CNTN5: variants seen among roughly 807,000 people sequenced by gnomAD.
CNTN5 encodes contactin 5, also known as contactin-5.
A neutral mutation model predicts 129.1 loss-of-function variants in CNTN5; 77 were observed. That is an observed-to-expected ratio of 0.60 (90% CI 0.50 to 0.72). CNTN5 has a LOEUF of 0.72. Ranked by LOEUF, CNTN5 falls within the 30% of genes least tolerant of loss-of-function variation. CNTN5 has a pLI of 0.00. For synonymous variants in CNTN5, 509 were observed against 465.6 expected (o/e 1.09, Z -1.20); for missense variants, 1,478 against 1,328.8 (o/e 1.11, Z -1.75).
intron 1 of CNTN5, among the ~76,000 whole-genome samples, chr11:99,164,163 T>C (rs1201739260): frequency 6.6e-6 from 1 of 151,772 alleles, no homozygotes; most frequent in Non-Finnish European, 1.5e-5. Flanking sequence ...CTGTCTCTAC[T>C]AAAAATACAA....
intron 23 of CNTN5, among the ~76,000 whole-genome samples, chr11:100,344,546 A>G (rs1952237355): frequency 6.6e-6 from 1 of 152,128 alleles, no homozygotes; most frequent in Admixed American, 6.6e-5. Context: ...AATATACTAT[A>G]AGATAGAAGA....
chr11:99,683,709 A>G (rs1373348124), intron 3 of CNTN5, among the ~76,000 whole-genome samples: 3 of 151,838 alleles, frequency 2.0e-5, no homozygotes, highest in Non-Finnish European at 4.4e-5. Flanking sequence ...CTATATATGA[A>G]TTTGGAAGAT....
At chr11:99,904,374 G>A (rs1235757955) in intron 6 of CNTN5, among the ~76,000 whole-genome samples, 1 of 151,414 alleles carries the variant, frequency 6.6e-6, no homozygotes, top group Non-Finnish European at 1.5e-5. Context: ...TTCCACTTAC[G>A]AGTGAGAACC....
chr11:99,248,817 G>T (rs1042750125), intron 1 of CNTN5, among the ~76,000 whole-genome samples: 2 of 151,962 alleles, frequency 1.3e-5, no homozygotes, highest in East Asian at 3.9e-4. Flanking sequence ...CTGTTCCATT[G>T]GTCTGTATCT....
At position 99,325,380 on chromosome 11, in the gene CNTN5, A is replaced by G. The variant is rs930978422; in HGVS notation, c.-175A>G. 6.6e-5 allele frequency: 10 copies of G among 152,202 alleles called. No homozygotes were observed. Among genetic ancestry groups the G allele is most frequent in the Admixed American group, 2.0e-4 (3 of 15,268 alleles). The allele number at this position is 152,202 out of a possible 1,614,324, so 9.4% of individuals were successfully genotyped here. ...AAGGATTGCCATTTAATGCCATTCA[A>G]GATCTACTAAGCATCATTTTTGCAT... is the stretch of plus-strand genomic sequence containing the variant. On this transcript the variant is annotated 5_prime_UTR_variant, in exon 2 of 25. Transcript: ENST00000524871.
chr11:99,587,950 A>G (rs947700507), intron 3 of CNTN5, among the ~76,000 whole-genome samples: 1 of 152,156 alleles, frequency 6.6e-6, no homozygotes, highest in Non-Finnish European at 1.5e-5. Flanking sequence ...AGCAAAGAGG[A>G]ACAGCATAAC....
chr11:99,757,640 C>T (rs887092927), intron 3 of CNTN5, among the ~76,000 whole-genome samples: 9 of 151,972 alleles, frequency 5.9e-5, no homozygotes, highest in Non-Finnish European at 1.2e-4. Flanking sequence ...TAAGGTCGTA[C>T]TCTAAGGTTC....
chr11:100,227,948 TAA>T (rs1407715331), intron 16 of CNTN5, among the ~76,000 whole-genome samples: 1 of 152,048 alleles, frequency 6.6e-6, no homozygotes, highest in East Asian at 1.9e-4. Flanking sequence ...AAACACAAAG[TAA>T]AAGACTCTGG....
intron 3 of CNTN5, among the ~76,000 whole-genome samples, chr11:99,787,319 A>G (rs978560238): frequency 6.6e-5 from 10 of 151,658 alleles, no homozygotes; most frequent in East Asian, 5.8e-4. Flanking sequence ...CATTTAAGAG[A>G]CAGTGATCAT....
chr11:100,134,899 T>C (rs542725443), intron 13 of CNTN5, among the ~76,000 whole-genome samples: 152 of 152,268 alleles, frequency 1.0e-3, no homozygotes, highest in African/African-American at 3.5e-3. Context: ...ACATTGCAAT[T>C]ATTTGTTCAT....
chr11:99,415,131 G>A (rs2656219), intron 2 of CNTN5, among the ~76,000 whole-genome samples: 11,651 of 152,108 alleles, frequency 0.077, 515 homozygotes, highest in Non-Finnish European at 0.096. Flanking sequence ...CATAAGGGTC[G>A]TGGTGAGCAT....
intron 1 of CNTN5, among the ~76,000 whole-genome samples, chr11:99,289,154 G>A (rs1864064657): frequency 6.6e-6 from 1 of 151,722 alleles, no homozygotes; most frequent in Non-Finnish European, 1.5e-5. Flanking sequence ...ACATAAGAAA[G>A]CACCTAACAT....
chr11:99,785,410 T>A (rs1945483076), intron 3 of CNTN5, among the ~76,000 whole-genome samples: 1 of 152,162 alleles, frequency 6.6e-6, no homozygotes, highest in Admixed American at 6.5e-5. Context: ...TTTAATTAGA[T>A]CCCATTTGAC....
intron 7 of CNTN5, among the ~76,000 whole-genome samples, chr11:99,921,418 T>C (rs1949936116): frequency 6.6e-6 from 1 of 152,188 alleles, no homozygotes; most frequent in Non-Finnish European, 1.5e-5. Flanking sequence ...CCCAGGTATA[T>C]GAATGGCTCA....
At chr11:99,371,388 A>G (rs1172804006) in intron 2 of CNTN5, among the ~76,000 whole-genome samples, 1 of 152,066 alleles carries the variant, frequency 6.6e-6, no homozygotes, top group Non-Finnish European at 1.5e-5. Context: ...TGTGTATAAA[A>G]CATAGCCTAT....
At chr11:99,165,020 A>T (rs114049157) in intron 1 of CNTN5, among the ~76,000 whole-genome samples, 47 of 151,618 alleles carry the variant, frequency 3.1e-4, no homozygotes, top group African/African-American at 1.1e-3. Context: ...AATTTCTTCA[A>T]TTTTTTTTTA....
chr11:99,950,531 C>T (rs541597381), intron 7 of CNTN5, among the ~76,000 whole-genome samples: 1 of 152,182 alleles, frequency 6.6e-6, no homozygotes, highest in African/African-American at 2.4e-5. Context: ...TGGTACTAAC[C>T]AAGAGTCAGA....
At chr11:99,406,680 T>C (rs1942083738) in intron 2 of CNTN5, among the ~76,000 whole-genome samples, 1 of 152,158 alleles carries the variant, frequency 6.6e-6, no homozygotes, top group African/African-American at 2.4e-5. Context: ...AGAGGTGCTA[T>C]CTGGGAGCCA....
intron 1 of CNTN5, among the ~76,000 whole-genome samples, chr11:99,077,340 C>A (rs771623522): frequency 7.9e-5 from 12 of 152,152 alleles, no homozygotes; most frequent in Non-Finnish European, 1.5e-4. Context: ...ATGATTAATT[C>A]TTTGCTAAAA....
Sources: gnomAD v4.1 joint callset for allele counts (sites outside exome capture counted in the v4.1 genomes callset) on GRCh38, gnomAD v4.1.1 for gene constraint, MANE v1.5 for transcripts, NCBI Gene and HGNC (gene_info 2026-07-23, HGNC 2026-07-21) for gene names.